TERF2: variants seen among roughly 807,000 people sequenced by gnomAD.
The protein encoded by TERF2 is telomeric repeat binding factor 2.
In TERF2, 16 loss-of-function variants were observed where a neutral mutation model predicts 56.1. That is an observed-to-expected ratio of 0.29 (90% CI 0.19 to 0.43). The LOEUF (loss-of-function observed/expected upper bound fraction) is 0.43, where lower values mean the gene tolerates loss of function less well. TERF2 is among the 20% of genes least tolerant of loss of function. The pLI, the probability that TERF2 is intolerant of heterozygous loss-of-function variation, is 1.00. For synonymous variants in TERF2, 296 were observed against 282.1 expected, an observed-to-expected ratio of 1.05 and a Z score of -0.50; for missense variants, 547 against 712.9, an observed-to-expected ratio of 0.77 and a Z score of 2.65.
Position 69,359,627 on chromosome 16 carries a change from A to ATTTTTTTTTTTTTTTTTTTT in TERF2, c.1426+1757_1426+1776dup, listed in dbSNP as rs564611021. ...AATCTTCCTCTTACTATCATTCCCA[A>ATTTTTTTTTTTTTTTTTTTT]TTTTTTTTTTTTTTTTTTTTTTTTT... On this transcript the variant is annotated intron_variant, in intron 8 of 9. Coordinates refer to ENST00000254942, the MANE Select transcript of TERF2 (RefSeq NM_005652.5). 2.8e-5 allele frequency among the ~76,000 whole-genome samples: 2 copies of ATTTTTTTTTTTTTTTTTTTT among 72,578 alleles called. 1 individual carries two copies. The allele number at this position is 72,578 out of a possible 152,430, so 47.6% of individuals were successfully genotyped here.
chr16:69,383,178 A>T (rs1268480782), intron 3 of TERF2, among the ~76,000 whole-genome samples: 1 of 152,168 alleles, frequency 6.6e-6, no homozygotes, highest in Non-Finnish European at 1.5e-5. Flanking sequence ...CAGGTTGAGC[A>T]TCCTAAATCT....
intron 3 of TERF2, among the ~76,000 whole-genome samples, chr16:69,376,161 T>C (rs1479431237): frequency 6.6e-6 from 1 of 152,212 alleles, no homozygotes; most frequent in African/African-American, 2.4e-5. Context: ...GATTCCTTCA[T>C]GTTTCCTCTA....
At chr16:69,369,170 A>G (rs950945679) in intron 5 of TERF2, among the ~76,000 whole-genome samples, 2 of 152,086 alleles carry the variant, frequency 1.3e-5, no homozygotes, top group African/African-American at 4.8e-5. Context: ...AAAGGAAAGG[A>G]CCCTAGGCCA....
chr16:69,361,672 C>T (rs980280216), intron 7 of TERF2, among the ~76,000 whole-genome samples, 183 bp from the exon 8 acceptor site: 6 of 152,106 alleles, frequency 3.9e-5, no homozygotes, highest in African/African-American at 1.2e-4. Context: ...GGCATCTCCA[C>T]GTAACACCCC....
intron 3 of TERF2, among the ~76,000 whole-genome samples, chr16:69,374,033 AG>A (rs1226426147): frequency 2.1e-4 from 32 of 152,212 alleles, no homozygotes; most frequent in Non-Finnish European, 4.6e-4. Context: ...ATGCAGGCAC[AG>A]TTCTTGCTGC....
chr16:69,385,566 A>ACC (rs747125201), intron 1 of TERF2, 27 bp downstream of exon 1: 7 of 1,184,618 alleles, frequency 5.9e-6, no homozygotes, highest in Non-Finnish European at 8.4e-6. Context: ...CGGCGCTCCA[A>ACC]CCCCCCTCCC....
rs1465069149 is a variant in TERF2 at position 69,372,326 on chromosome 16, T to C, written c.636A>G (p.Glu212=). 2 of 1,611,052 alleles carry C rather than the reference T, an allele frequency of 1.2e-6. No individual in the cohort carries two copies. Among genetic ancestry groups the C allele is most frequent in the Admixed American group, 1.7e-5 (1 of 59,594 alleles). Residue 212 remains glutamate (E), a synonymous_variant, in exon 4 of 10, where the codon GAA becomes GAG. Transcript: ENST00000254942. ...AAVIICIKNK[E]FEKASKILKK... The stretch of plus-strand genomic sequence containing the variant: ...TCAAAATTTTTGAAGCCTTTTCAAA[T>C]TCTTTGTTTTTGATACAAATAATGA...
intron 7 of TERF2, chr16:69,366,227 G>C (rs1040781008): frequency 2.0e-5 from 3 of 152,594 alleles, no homozygotes; most frequent in Middle Eastern, 3.2e-3. Flanking sequence ...AGAGCAAGCA[G>C]GCCAGTCTGC....
At chr16:69,367,620 C>G (rs1377822781) in intron 6 of TERF2, among the ~76,000 whole-genome samples, 2 of 152,084 alleles carry the variant, frequency 1.3e-5, no homozygotes, top group Non-Finnish European at 2.9e-5. Flanking sequence ...AGTCTTGGAA[C>G]AATGAGAAAC....
intron 8 of TERF2, among the ~76,000 whole-genome samples, chr16:69,359,250 G>A (rs1052042501): frequency 6.6e-6 from 1 of 152,174 alleles, no homozygotes; most frequent in Non-Finnish European, 1.5e-5. Context: ...GGTTTTGGCT[G>A]GGTGTGGTGG....
Position 69,385,801 on chromosome 16 carries a change from A to G in TERF2, c.171T>C (p.Ala57=). The part of the protein sequence containing the change: ...GGSSDGSGRA[A]GRRASRSSGR... ...CGCTACTGCGGGACGCCCGCCTGCC[A>G]GCTGCCCGCCCGCTGCCGTCGCTAC... The change falls in exon 1 of 10, where the codon GCT becomes GCC. Residue 57 remains alanine, a synonymous_variant. Transcript: ENST00000254942. 1 of 1,299,490 alleles carries G rather than the reference A, an allele frequency of 7.7e-7. No homozygotes were observed. Among genetic ancestry groups the G allele is most frequent in the Non-Finnish European group, 9.8e-7 (1 of 1,023,872 alleles). 80.5% of individuals were successfully genotyped at this position (1,299,490 alleles called of 1,614,324 possible).
Position 69,356,974 on chromosome 16 carries a change from T to C in TERF2, c.1553A>G (p.Asn518Ser), listed in dbSNP as rs761784105. ...GEGNWAAISK[N>S]YPFVNRTAVM... ...AGCTGTTCGGTTAACAAATGGGTAA[T>C]TTTTAGAAATGGCAGCCCAGTTTCC... Residue 518 changes from asparagine to serine, a missense_variant, in exon 10 of 10, where the codon AAT (asparagine) becomes AGT (serine). Physicochemically the swap from Asn to Ser is conservative, Grantham distance 46. Coordinates refer to ENST00000254942, the MANE Select transcript of TERF2 (RefSeq NM_005652.5). The C allele has an allele frequency of 6.2e-7, 1 of 1,614,126 alleles. No individual in the cohort carries two copies.
intron 3 of TERF2, among the ~76,000 whole-genome samples, chr16:69,372,960 G>A (rs892565297): frequency 6.6e-6 from 1 of 152,100 alleles, no homozygotes; most frequent in East Asian, 1.9e-4. Context: ...GAATGGACAG[G>A]AGTCATTCTA....
At chr16:69,357,491 G>A (rs1328417634) in intron 9 of TERF2, 27 bp downstream of exon 9, 5 of 1,597,652 alleles carry the variant, frequency 3.1e-6, no homozygotes, top group South Asian at 1.1e-5. Context: ...CACATAACCA[G>A]TAACAGAAAA....
At chr16:69,379,569 T>A (rs1207943592) in intron 3 of TERF2, among the ~76,000 whole-genome samples, 1 of 152,244 alleles carries the variant, frequency 6.6e-6, no homozygotes, top group Non-Finnish European at 1.5e-5. Flanking sequence ...AAATTTTTGG[T>A]CTCAGGATTC....
chr16:69,381,980 TGAA>T, intron 3 of TERF2, among the ~76,000 whole-genome samples: 1 of 152,188 alleles, frequency 6.6e-6, no homozygotes, highest in East Asian at 1.9e-4. Context: ...ATTGTGGCAG[TGAA>T]GAATACAATG....
rs760824658 is a variant in TERF2 at position 69,368,362 on chromosome 16, G to C, written c.947+14C>G. 6.2e-7 allele frequency: 1 copy of C among 1,611,948 alleles called. No homozygotes were observed. The highest frequency in any genetic ancestry group is 2.2e-5 in the East Asian group (1 of 44,866). On this transcript the variant is annotated intron_variant, in intron 6 of 9. Transcript: ENST00000254942. ...TAGTGTTTTACCCAAGATCACAAGA[G>C]AGCATCTTTTTACCTTGCGGGTTCT...
Position 69,385,979 on chromosome 16 carries a change from A to G in TERF2, c.-8T>C. 1 of 1,330,382 alleles carries G rather than the reference A, an allele frequency of 7.5e-7. No individual in the cohort carries two copies. The highest frequency in any genetic ancestry group is 1.8e-5 in the South Asian group (1 of 54,492). The allele number at this position is 1,330,382 out of a possible 1,614,324, so 82.4% of individuals were successfully genotyped here. A position where few individuals can be genotyped will look rare whatever the true frequency, so the allele number is the denominator to read the frequency against. Reference sequence around the variant, plus strand: ...CCCGGCTCCCGCGGCCATGATAGAAACAGCGTTCCGAGCCGCCCGCGGGCT... The same window carrying G: ...CCCGGCTCCCGCGGCCATGATAGAAGCAGCGTTCCGAGCCGCCCGCGGGCT... On this transcript the variant is annotated 5_prime_UTR_variant, in exon 1 of 10. Coordinates refer to ENST00000254942, the MANE Select transcript of TERF2 (RefSeq NM_005652.5).
Position 69,385,708 on chromosome 16 carries a change from T to A in TERF2, c.264A>T (p.Ala88=), listed in dbSNP as rs2014175255. 6.3e-7 allele frequency: 1 copy of A among 1,597,158 alleles called. No individual in the cohort carries two copies. Among genetic ancestry groups the A allele is most frequent in the Non-Finnish European group, 8.5e-7 (1 of 1,173,814 alleles). The change falls in exon 1 of 10, where the codon GCA becomes GCT. Residue 88 remains alanine, a synonymous_variant. Transcript: ENST00000254942. The part of the protein sequence containing the change: ...GGPAERGAGE[A]RLEEAVNRWV... Reference sequence around the variant, plus strand: ...AGCGATTGACTGCCTCTTCCAGCCGTGCCTCCCCCGCGCCGCGCTCCGCCG... The same window carrying A: ...AGCGATTGACTGCCTCTTCCAGCCGAGCCTCCCCCGCGCCGCGCTCCGCCG...
Sources: allele counts gnomAD v4.1 joint callset (sites outside exome capture counted in the v4.1 genomes callset), GRCh38; gene constraint gnomAD v4.1.1; transcripts MANE v1.5; gene names NCBI Gene and HGNC (gene_info 2026-07-23, HGNC 2026-07-21).